Variants in TCF7 observed in about 807,000 individuals in gnomAD.
The protein encoded by TCF7 is T-cell-factor-7.
A neutral mutation model predicts 46.8 loss-of-function variants in TCF7; 19 were observed. The observed-to-expected ratio is 0.41, with a 90% CI of 0.28 to 0.60. The LOEUF is 0.60. Ranked by LOEUF, TCF7 falls within the 20% of genes least tolerant of loss-of-function variation. The pLI is 0.35. For synonymous variants in TCF7, 245 were observed against 213.4 expected (o/e 1.15, Z -1.29); for missense variants, 547 against 504.6 (o/e 1.08, Z -0.81).
chr5:134,145,264 G>A (rs1229565288), intron 9 of TCF7: 5 of 546,030 alleles, frequency 9.2e-6, no homozygotes, highest in South Asian at 7.0e-5. Context: ...TTCAAGATGG[G>A]ATCCCTGCCT....
chr5:134,110,946 G>GTTGT (rs1755321882), upstream of TCF7, among the ~76,000 whole-genome samples: 1 of 152,260 alleles, frequency 6.6e-6, no homozygotes, highest in Admixed American at 6.5e-5. Flanking sequence ...GACGTTACAT[G>GTTGT]AAGAGCCAAT....
chr5:134,113,242 G>A (rs1284741802), upstream of TCF7, among the ~76,000 whole-genome samples: 2 of 152,138 alleles, frequency 1.3e-5, no homozygotes, highest in African/African-American at 4.8e-5. Context: ...CTGAGCACTC[G>A]TGCCCATGCC....
chr5:134,146,049 AG>A (rs1760652733), intron 9 of TCF7, 174 bp from the exon 10 acceptor site: 1 of 1,547,666 alleles, frequency 6.5e-7, no homozygotes, highest in African/African-American at 1.4e-5. Flanking sequence ...CACCTGTCCT[AG>A]GTCTGGGCCA....
At chr5:134,126,443 C>T (rs946238833) in intron 3 of TCF7, among the ~76,000 whole-genome samples, 5 of 152,248 alleles carry the variant, frequency 3.3e-5, no homozygotes, top group Admixed American at 2.6e-4. Context: ...CAGGCCACAT[C>T]TGTTCATTTC....
rs1479885332 is a variant in TCF7, at chr5:134,147,035, AAAAC to A, written c.*736_*739del. ...TGGAGAAGCTCTGTTTATAAAAACA[AAAAC>A]AAAACCAGCTGCTACTCATAAGTTG... On this transcript the variant is annotated 3_prime_UTR_variant, in exon 10 of 10. Coordinates refer to ENST00000342854, the MANE Select transcript of TCF7 (RefSeq NM_003202.5). The A allele has an allele frequency of 7.5e-5, 12 of 159,168 alleles. No homozygotes were observed. Among genetic ancestry groups the A allele is most frequent in the East Asian group, 1.9e-4 (1 of 5,228 alleles). 9.9% of individuals were successfully genotyped at this position (159,168 alleles called of 1,614,324 possible).
chr5:134,111,780 T>C (rs572544985), upstream of TCF7, among the ~76,000 whole-genome samples: 3 of 152,302 alleles, frequency 2.0e-5, no homozygotes, highest in Non-Finnish European at 4.4e-5. Context: ...AATTTTATAA[T>C]GGAACACTAG....
intron 3 of TCF7, among the ~76,000 whole-genome samples, chr5:134,132,656 C>T (rs963813888): frequency 1.3e-5 from 2 of 151,848 alleles, no homozygotes; most frequent in Non-Finnish European, 2.9e-5. Flanking sequence ...TCAGCGTGCA[C>T]ACAGCCTGCG....
Position 134,115,026 on chromosome 5 carries a change from C to T in TCF7, c.120C>T (p.Ser40=). 1 of 1,255,874 alleles carries T rather than the reference C, an allele frequency of 8.0e-7. No individual in the cohort carries two copies. Among genetic ancestry groups the T allele is most frequent in the Non-Finnish European group, 1.0e-6 (1 of 975,538 alleles). The allele number at this position is 1,255,874 out of a possible 1,614,324, so 77.8% of individuals were successfully genotyped here. ...AGCAGGACGACAAGAGCCGCGACAG[C>T]GCCGCCGGTCCCGAGCGCGACCTGG... is the stretch of plus-strand genomic sequence containing the variant. The part of the protein sequence containing the change: ...GEEQDDKSRD[S]AAGPERDLAE... The change falls in exon 1 of 10, where the codon AGC becomes AGT. Residue 40 remains serine, a synonymous_variant. Transcript: ENST00000342854.
At chr5:134,113,103 C>T (rs1755367907), upstream of TCF7, among the ~76,000 whole-genome samples, 2 of 152,208 alleles carry the variant, frequency 1.3e-5, no homozygotes, top group Non-Finnish European at 2.9e-5. Context: ...CCTCTCCCCT[C>T]CGGGCAGGGC....
At chr5:134,127,448 T>C (rs1757490293) in intron 3 of TCF7, among the ~76,000 whole-genome samples, 1 of 152,246 alleles carries the variant, frequency 6.6e-6, no homozygotes, top group Non-Finnish European at 1.5e-5. Flanking sequence ...TACAGGTGGA[T>C]CACTTCCTCT....
rs777702969 is a variant in TCF7 at position 134,146,198 on chromosome 5, C to A, written c.1076-26C>A. ...TGACTATGAATTCACCCTCTGTTTACAGATAACTCTCTTCACTATTCCTAG... is the reference window on the plus strand; with the variant it reads ...TGACTATGAATTCACCCTCTGTTTAAAGATAACTCTCTTCACTATTCCTAG... On this transcript the variant is annotated intron_variant, in intron 9 of 9. Coordinates refer to ENST00000342854, the MANE Select transcript of TCF7 (RefSeq NM_003202.5). 4 of 1,614,064 alleles carry A rather than the reference C, an allele frequency of 2.5e-6. No homozygotes were observed. In the African/African-American group the frequency reaches 5.3e-5, roughly 22 times the overall value.
At chr5:134,115,549 C>T in intron 2 of TCF7, 162 bp downstream of exon 2, 1 of 1,439,862 alleles carries the variant, frequency 6.9e-7, no homozygotes. Flanking sequence ...TCCCGGGCGC[C>T]GCCGGGTCGA....
At chr5:134,145,812 C>T in intron 9 of TCF7, 1 of 1,613,632 alleles carries the variant, frequency 6.2e-7, no homozygotes, top group Non-Finnish European at 8.5e-7. Context: ...TTCCTCTAGC[C>T]CAGCTTGAGG....
chr5:134,127,848 C>T (rs766053956), intron 3 of TCF7, among the ~76,000 whole-genome samples: 9 of 152,218 alleles, frequency 5.9e-5, no homozygotes, highest in African/African-American at 9.7e-5. Context: ...ACAATGCTGG[C>T]GTTCCTGAAA....
At chr5:134,115,716 G>T in intron 2 of TCF7, 193 bp from the exon 3 acceptor site, 1 of 1,433,758 alleles carries the variant, frequency 7.0e-7, no homozygotes, top group Non-Finnish European at 9.1e-7. Flanking sequence ...TCAAGTAGGG[G>T]CCACCTCGGG....
upstream of TCF7, among the ~76,000 whole-genome samples, chr5:134,110,489 C>A (rs747071425): frequency 2.0e-5 from 3 of 152,220 alleles, no homozygotes; most frequent in East Asian, 1.9e-4. Flanking sequence ...CACATGGACA[C>A]ACACGCCCCA....
chr5:134,115,482 C>A, intron 2 of TCF7, 95 bp downstream of exon 2: 1 of 1,509,164 alleles, frequency 6.6e-7, no homozygotes, highest in Middle Eastern at 2.2e-4. Flanking sequence ...CCGGGTGCCT[C>A]CCCCACCGCA....
intron 9 of TCF7, chr5:134,144,153 C>T (rs990609029): frequency 4.9e-5 from 8 of 161,838 alleles, no homozygotes; most frequent in African/African-American, 1.7e-4. Context: ...CTGCAGGCCT[C>T]CTTCCTAAGG....
chr5:134,120,674 A>G (rs962569620), intron 3 of TCF7, among the ~76,000 whole-genome samples: 1 of 152,204 alleles, frequency 6.6e-6, no homozygotes, highest in African/African-American at 2.4e-5. Flanking sequence ...TCTCTGCCTC[A>G]GGGAGCCTCC....
Sources: gnomAD v4.1 joint callset for allele counts (sites outside exome capture counted in the v4.1 genomes callset) on GRCh38, gnomAD v4.1.1 for gene constraint, MANE v1.5 for transcripts, NCBI Gene and HGNC (gene_info 2026-07-23, HGNC 2026-07-21) for gene names.